The following ANGPT1 variants were observed in gnomAD, a reference collection of about 807,000 sequenced individuals.
The protein encoded by ANGPT1 is angiopoietin-1.
Under a neutral mutation model 62.2 loss-of-function variants are expected in ANGPT1, and 17 were observed. That is an observed-to-expected ratio of 0.27 (90% confidence interval 0.19 to 0.41). ANGPT1 has a LOEUF of 0.41. Ranked by LOEUF, ANGPT1 falls within the 10% of genes least tolerant of loss-of-function variation. The pLI, the probability that ANGPT1 is intolerant of heterozygous loss-of-function variation, is 1.00. For missense variants in ANGPT1, 478 were observed against 594.9 expected, an observed-to-expected ratio of 0.80 and a Z score of 2.04; for synonymous variants, 199 against 198.9, an observed-to-expected ratio of 1.00 and a Z score of 0.00.
chr8:107,313,951 T>C (rs1814947932), intron 4 of ANGPT1, among the ~76,000 whole-genome samples: 1 of 151,950 alleles, frequency 6.6e-6, no homozygotes, highest in Non-Finnish European at 1.5e-5. Context: ...TTTAATGCTG[T>C]TAATAAAACA....
chr8:107,475,879 C>G (rs1010773761), intron 1 of ANGPT1, among the ~76,000 whole-genome samples: 15 of 152,170 alleles, frequency 9.9e-5, no homozygotes, highest in African/African-American at 3.6e-4. Flanking sequence ...ATCGAAACCA[C>G]AATGAGATAC....
intron 1 of ANGPT1, among the ~76,000 whole-genome samples, chr8:107,403,793 A>G (rs1360042353): frequency 6.6e-6 from 1 of 152,168 alleles, no homozygotes; most frequent in African/African-American, 2.4e-5. Flanking sequence ...ATATCAAAAT[A>G]TCAATGTTCC....
At chr8:107,415,696 C>A (rs1167839871) in intron 1 of ANGPT1, among the ~76,000 whole-genome samples, 1 of 152,136 alleles carries the variant, frequency 6.6e-6, no homozygotes, top group Non-Finnish European at 1.5e-5. Flanking sequence ...TAAAAGGTCA[C>A]AACTTAGCCC....
At chr8:107,352,010 A>G (rs1239236767) in intron 1 of ANGPT1, among the ~76,000 whole-genome samples, 1 of 152,120 alleles carries the variant, frequency 6.6e-6, no homozygotes, top group Admixed American at 6.5e-5. Flanking sequence ...AGTTAAGTAA[A>G]CTGTCTAAGA....
intron 1 of ANGPT1, among the ~76,000 whole-genome samples, chr8:107,474,815 G>T (rs1011779297): frequency 6.6e-6 from 1 of 152,128 alleles, no homozygotes; most frequent in Non-Finnish European, 1.5e-5. Flanking sequence ...GCCAAATCAT[G>T]AGTGAACTCC....
chr8:107,266,933 A>C (rs1813627559), intron 7 of ANGPT1, among the ~76,000 whole-genome samples: 1 of 152,136 alleles, frequency 6.6e-6, no homozygotes, highest in South Asian at 2.1e-4. Flanking sequence ...TTTGAGAAGA[A>C]AAGCAAAAAG....
intron 1 of ANGPT1, among the ~76,000 whole-genome samples, chr8:107,487,810 A>G (rs1812853143): frequency 6.6e-6 from 1 of 152,236 alleles, no homozygotes. Context: ...GGTAAGTGCC[A>G]TGTATTAGAA....
chr8:107,263,060 G>C (rs1813530176), intron 8 of ANGPT1, among the ~76,000 whole-genome samples: 1 of 152,054 alleles, frequency 6.6e-6, no homozygotes, highest in African/African-American at 2.4e-5. Flanking sequence ...TGTAACAGAA[G>C]TTAGATATAG....
chr8:107,373,515 G>C (rs759258237), intron 1 of ANGPT1, among the ~76,000 whole-genome samples: 5 of 152,184 alleles, frequency 3.3e-5, no homozygotes, highest in African/African-American at 9.6e-5. Context: ...GAAGGAATGA[G>C]AGGTGGATTG....
chr8:107,294,166 C>G, intron 5 of ANGPT1, 129 bp from the exon 6 acceptor site: 1 of 581,952 alleles, frequency 1.7e-6, no homozygotes, highest in African/African-American at 1.9e-5. Flanking sequence ...CTATATTGAA[C>G]AATGTTAATT....
At chr8:107,477,167 A>G (rs1010439275) in intron 1 of ANGPT1, among the ~76,000 whole-genome samples, 2 of 152,072 alleles carry the variant, frequency 1.3e-5, no homozygotes, top group Non-Finnish European at 2.9e-5. Context: ...CCTAAAACTG[A>G]ATTGCCTGAC....
intron 3 of ANGPT1, among the ~76,000 whole-genome samples, chr8:107,327,175 C>A (rs929085378): frequency 1.3e-5 from 2 of 152,098 alleles, no homozygotes; most frequent in Non-Finnish European, 2.9e-5. Context: ...AAATACTACC[C>A]TGTCTTAATA....
At chr8:107,292,802 C>A (rs1044305930) in intron 6 of ANGPT1, among the ~76,000 whole-genome samples, 1 of 152,154 alleles carries the variant, frequency 6.6e-6, no homozygotes, top group Non-Finnish European at 1.5e-5. Flanking sequence ...TGGGCAAACT[C>A]TGATGCAAAT....
chr8:107,401,425 C>A (rs533401120), intron 1 of ANGPT1, among the ~76,000 whole-genome samples: 1 of 152,120 alleles, frequency 6.6e-6, no homozygotes, highest in Admixed American at 6.5e-5. Context: ...AATCAAAGAA[C>A]CACTGTAACA....
intron 1 of ANGPT1, among the ~76,000 whole-genome samples, chr8:107,432,995 T>C (rs1811234597): frequency 1.3e-5 from 2 of 152,230 alleles, no homozygotes; most frequent in African/African-American, 2.4e-5. Flanking sequence ...AAAGCAATGA[T>C]GTCTTGACTT....
At chr8:107,302,200 G>A (rs997017449) in intron 5 of ANGPT1, among the ~76,000 whole-genome samples, 2 of 151,908 alleles carry the variant, frequency 1.3e-5, no homozygotes, top group Non-Finnish European at 2.9e-5. Context: ...GTCATGTAAA[G>A]TTGCCTGAGG....
At chr8:107,297,439 T>A (rs1288168778) in intron 5 of ANGPT1, among the ~76,000 whole-genome samples, 1 of 151,876 alleles carries the variant, frequency 6.6e-6, no homozygotes, top group African/African-American at 2.4e-5. Flanking sequence ...TGGCACTTAA[T>A]AGGCATTGAC....
rs1380809830 is a variant in ANGPT1 at position 107,251,571 on chromosome 8, T to G, written c.*284A>C. On this transcript the variant is annotated 3_prime_UTR_variant, in exon 9 of 9. Coordinates refer to ENST00000517746, the MANE Select transcript of ANGPT1 (RefSeq NM_001146.5). ...TTCCAAAATAAGGTCCAGTAGTAGT[T>G]TGAAGCACAGCAAGCTCAGCAGTTT... is the stretch of plus-strand genomic sequence containing the variant. The G allele has an allele frequency of 6.1e-6, 2 of 329,138 alleles. No individual in the cohort carries two copies. Among genetic ancestry groups the G allele is most frequent in the African/African-American group, 2.1e-5 (1 of 48,172 alleles). 20.4% of individuals were successfully genotyped at this position (329,138 alleles called of 1,614,324 possible). A position where few individuals can be genotyped will look rare whatever the true frequency, so the allele number is the denominator to read the frequency against.
At chr8:107,325,128 T>TA (rs1271794470) in intron 3 of ANGPT1, among the ~76,000 whole-genome samples, 1 of 152,150 alleles carries the variant, frequency 6.6e-6, no homozygotes, top group African/African-American at 2.4e-5. Flanking sequence ...AAGTTCGTGG[T>TA]AAAACACAAA....
Sources: gnomAD v4.1 joint callset for allele counts (sites outside exome capture counted in the v4.1 genomes callset) on GRCh38, gnomAD v4.1.1 for gene constraint, MANE v1.5 for transcripts, NCBI Gene and HGNC (gene_info 2026-07-23, HGNC 2026-07-21) for gene names.